The following ROBO2 variants were observed in gnomAD, a reference collection of about 807,000 sequenced individuals.
ROBO2 encodes roundabout guidance receptor 2.
Under a neutral mutation model 160.8 loss-of-function variants are expected in ROBO2, and 53 were observed. The ratio of observed to expected loss-of-function variants is 0.33; its 90% CI spans 0.26 to 0.41. The LOEUF (loss-of-function observed/expected upper bound fraction) is 0.41. ROBO2 is among the 10% of genes least tolerant of loss of function. The probability of loss-of-function intolerance (pLI) is 1.00; values close to 1 mark genes in which losing one functional copy is unlikely to be tolerated. For missense variants in ROBO2, 1,577 were observed against 1,722.4 expected (o/e 0.92, Z 1.49); for synonymous variants, 664 against 611.7 (o/e 1.09, Z -1.26).
chr3:76,769,791 C>T (rs2061779665), intron 2 of ROBO2, among the ~76,000 whole-genome samples: 1 of 151,358 alleles, frequency 6.6e-6, no homozygotes, highest in South Asian at 2.1e-4. Flanking sequence ...CCCCTACTGT[C>T]TATTGAAGGT....
At chr3:76,980,134 G>A (rs576625659) in intron 2 of ROBO2, among the ~76,000 whole-genome samples, 107 of 152,246 alleles carry the variant, frequency 7.0e-4, no homozygotes, top group African/African-American at 2.5e-3. Flanking sequence ...CTCTGCAAAT[G>A]GAGGACTATC....
At chr3:77,572,094 C>G (rs1472949914) in intron 13 of ROBO2, among the ~76,000 whole-genome samples, 1 of 151,958 alleles carries the variant, frequency 6.6e-6, no homozygotes, top group African/African-American at 2.4e-5. Flanking sequence ...ATGGATAAAA[C>G]CAATTTACCC....
chr3:76,348,888 C>T (rs2074699401), intron 2 of ROBO2, among the ~76,000 whole-genome samples: 1 of 152,094 alleles, frequency 6.6e-6, no homozygotes, highest in Admixed American at 6.6e-5. Flanking sequence ...GTTATGGAGG[C>T]TGGTGAAATG....
At chr3:77,109,194 C>T (rs367905678) in intron 2 of ROBO2, among the ~76,000 whole-genome samples, 6 of 152,122 alleles carry the variant, frequency 3.9e-5, no homozygotes, top group Non-Finnish European at 8.8e-5. Context: ...TTCTACTGGT[C>T]GGTACTCACC....
intron 8 of ROBO2, among the ~76,000 whole-genome samples, chr3:77,551,228 A>G (rs2092909184): frequency 6.6e-6 from 1 of 151,966 alleles, no homozygotes; most frequent in Admixed American, 6.6e-5. Context: ...AGAATAGTGC[A>G]TTTTTTTAAA....
chr3:76,424,692 G>A (rs933079534), intron 2 of ROBO2, among the ~76,000 whole-genome samples: 2 of 152,136 alleles, frequency 1.3e-5, no homozygotes, highest in African/African-American at 2.4e-5. Context: ...GGAGAGTAAT[G>A]GGAGGACATC....
intron 2 of ROBO2, among the ~76,000 whole-genome samples, chr3:76,798,308 G>GAAAGAAAGAAAGAAAGAAAGAAAGA (rs1386837917): frequency 5.4e-5 from 8 of 149,346 alleles, no homozygotes; most frequent in South Asian, 2.1e-4. Context: ...AAGAAAGAAA[G>GAAAGAAAGAAAGAAAGAAAGAAAGA]AAAGAAAAAA....
At chr3:77,356,506 C>T (rs764158662) in intron 2 of ROBO2, among the ~76,000 whole-genome samples, 6 of 152,136 alleles carry the variant, frequency 3.9e-5, no homozygotes, top group African/African-American at 7.2e-5. Context: ...GGTATGTAGA[C>T]GAAAAGAAAT....
chr3:76,726,384 T>C (rs940255095), intron 2 of ROBO2, among the ~76,000 whole-genome samples: 5 of 152,198 alleles, frequency 3.3e-5, no homozygotes, highest in African/African-American at 1.2e-4. Flanking sequence ...TTGTTAACAC[T>C]TTGCCCTCCC....
chr3:76,756,348 G>A (rs1014432914), intron 2 of ROBO2, among the ~76,000 whole-genome samples: 2 of 151,798 alleles, frequency 1.3e-5, no homozygotes, highest in Admixed American at 6.6e-5. Flanking sequence ...GTAATGGATT[G>A]TTTTATAGTT....
intron 1 of ROBO2, among the ~76,000 whole-genome samples, chr3:77,051,900 A>G (rs1249519060): frequency 6.6e-6 from 1 of 152,248 alleles, no homozygotes; most frequent in Non-Finnish European, 1.5e-5. Flanking sequence ...ACTCAACTAT[A>G]CAGCAAGCGG....
intron 2 of ROBO2, among the ~76,000 whole-genome samples, chr3:76,052,668 C>T (rs924869820): frequency 6.6e-6 from 1 of 151,978 alleles, no homozygotes. Flanking sequence ...TAATCCTTCA[C>T]TATGTTGATG....
chr3:76,680,722 A>G (rs981336209), intron 2 of ROBO2, among the ~76,000 whole-genome samples: 2 of 152,122 alleles, frequency 1.3e-5, no homozygotes, highest in Non-Finnish European at 2.9e-5. Flanking sequence ...AATTTAAAAA[A>G]ATTATGATGA....
Position 77,031,732 on chromosome 3 carries a change from A to C in ROBO2, c.110-66282A>C, listed in dbSNP as rs560612563. Among the ~76,000 whole-genome samples, 4 of 147,552 alleles carry C rather than the reference A, an allele frequency of 2.7e-5. No homozygotes were observed. The East Asian group carries it at 7.8e-4, about 29-fold the overall frequency. The stretch of plus-strand genomic sequence containing the variant: ...TATAATTATATTATTATATATAATA[A>C]ATATATATTAGATATGTAGTTTATA... On this transcript the variant is annotated intron_variant, in intron 2 of 26. Transcript: ENST00000487694.
intron 2 of ROBO2, among the ~76,000 whole-genome samples, chr3:77,324,896 C>CT (rs1247899910): frequency 2.0e-5 from 3 of 151,670 alleles, no homozygotes; most frequent in Non-Finnish European, 4.4e-5. Flanking sequence ...TAGAAAAACT[C>CT]TAACAAGAAC....
At chr3:76,487,929 C>T (rs773673849) in intron 2 of ROBO2, among the ~76,000 whole-genome samples, 6 of 152,154 alleles carry the variant, frequency 3.9e-5, no homozygotes, top group Non-Finnish European at 8.8e-5. Flanking sequence ...TGAGTTTAGC[C>T]TGCAAAGGTA....
At chr3:76,322,317 CTG>C (rs1274256074) in intron 2 of ROBO2, among the ~76,000 whole-genome samples, 1 of 151,204 alleles carries the variant, frequency 6.6e-6, no homozygotes, top group East Asian at 1.9e-4. Context: ...CTACATTTCA[CTG>C]TGTGTAAAAA....
chr3:76,071,908 C>T (rs2068467860), intron 2 of ROBO2, among the ~76,000 whole-genome samples: 1 of 151,926 alleles, frequency 6.6e-6, no homozygotes. Context: ...TACTTTGGTT[C>T]ACTTTCTTCT....
intron 21 of ROBO2, 122 bp downstream of exon 22, chr3:77,608,076 C>T (rs2094560490): frequency 1.2e-6 from 1 of 843,354 alleles, no homozygotes; most frequent in Non-Finnish European, 2.0e-6. Flanking sequence ...ATGTTCATTG[C>T]ATTTCCCCCT....
Sources: allele counts gnomAD v4.1 joint callset (sites outside exome capture counted in the v4.1 genomes callset), GRCh38; gene constraint gnomAD v4.1.1; transcripts MANE v1.5; gene names NCBI Gene and HGNC (gene_info 2026-07-23, HGNC 2026-07-21).